The following UTRN variants were observed in gnomAD, a reference collection of about 807,000 sequenced individuals.
UTRN encodes the protein dystrophin-related protein 1.
Under a neutral mutation model 463.9 loss-of-function variants are expected in UTRN, and 283 were observed. That is an observed-to-expected ratio of 0.61 (90% CI 0.55 to 0.67). The LOEUF is 0.67. Among genes scored for constraint, UTRN ranks in the 30% least tolerant of loss-of-function variants. The pLI is 0.00. For missense variants in UTRN, 3,922 were observed against 4,084.3 expected (o/e 0.96, Z 1.08); for synonymous variants, 1,442 against 1,431.5 (o/e 1.01, Z -0.17).
At chr6:144,363,341 A>C (rs908279250) in intron 2 of UTRN, among the ~76,000 whole-genome samples, 5 of 152,210 alleles carry the variant, frequency 3.3e-5, no homozygotes, top group African/African-American at 1.2e-4. Context: ...ACACAACTTT[A>C]AAATCATTTT....
chr6:144,305,357 T>G (rs1347784690), intron 2 of UTRN, among the ~76,000 whole-genome samples: 1 of 152,172 alleles, frequency 6.6e-6, no homozygotes, highest in Admixed American at 6.5e-5. Flanking sequence ...ATACAAAAAT[T>G]TTTATGGAAA....
intron 50 of UTRN, among the ~76,000 whole-genome samples, chr6:144,563,565 A>G (rs1392295570): frequency 4.6e-5 from 7 of 152,150 alleles, no homozygotes; most frequent in Non-Finnish European, 7.4e-5. Flanking sequence ...TCCTCCTAGC[A>G]TGCCCACCAA....
At chr6:144,802,566 G>A (rs915332932) in intron 64 of UTRN, among the ~76,000 whole-genome samples, 10 of 152,228 alleles carry the variant, frequency 6.6e-5, no homozygotes, top group African/African-American at 2.2e-4. Context: ...TCATTCTTAC[G>A]CCAGAGATTT....
At chr6:144,725,499 A>G (rs1383072642) in intron 53 of UTRN, among the ~76,000 whole-genome samples, 1 of 152,162 alleles carries the variant, frequency 6.6e-6, no homozygotes, top group Non-Finnish European at 1.5e-5. Flanking sequence ...GAAAATATAA[A>G]CTCATTAAAA....
At chr6:144,713,835 G>T (rs1185722071) in intron 53 of UTRN, among the ~76,000 whole-genome samples, 2 of 150,474 alleles carry the variant, frequency 1.3e-5, no homozygotes, top group African/African-American at 4.9e-5. Flanking sequence ...CAGGAGAATC[G>T]CTTGAACCCG....
intron 71 of UTRN, among the ~76,000 whole-genome samples, chr6:144,838,064 G>C (rs979939888): frequency 1.3e-5 from 2 of 152,222 alleles, no homozygotes; most frequent in African/African-American, 4.8e-5. Context: ...CTCTTGTTTA[G>C]AATATGAAGT....
At chr6:144,796,413 G>T (rs1036474902) in intron 63 of UTRN, among the ~76,000 whole-genome samples, 1 of 152,114 alleles carries the variant, frequency 6.6e-6, no homozygotes, top group African/African-American at 2.4e-5. Context: ...CATTTCCTGT[G>T]CCTTGAACAT....
chr6:144,616,888 T>G (rs902209377), intron 51 of UTRN, among the ~76,000 whole-genome samples: 1 of 152,212 alleles, frequency 6.6e-6, no homozygotes, highest in Non-Finnish European at 1.5e-5. Flanking sequence ...CATAGCGTTC[T>G]ACCACCTGGT....
In UTRN at chr6:144,828,446, T is replaced by C. The variant is rs911675955; in HGVS notation, c.9600-344T>C. Among the ~76,000 whole-genome samples, 3 of 152,150 alleles carry C rather than the reference T, an allele frequency of 2.0e-5. No homozygotes were observed. In the South Asian group the frequency reaches 6.2e-4, roughly 31 times the overall value. On this transcript the variant is annotated intron_variant, in intron 68 of 74. Coordinates refer to ENST00000367545, the MANE Select transcript of UTRN (RefSeq NM_007124.3). Reference sequence around the variant, plus strand: ...AAGGGAAGTCATGGAGAGTTTTTGTTATGAGAGGAACATCATTTTATTTGT... The same window carrying C: ...AAGGGAAGTCATGGAGAGTTTTTGTCATGAGAGGAACATCATTTTATTTGT...
rs772663502 is a variant in UTRN at position 144,533,066 on chromosome 6, G to A, written c.6058-19G>A. On this transcript the variant is annotated intron_variant, in intron 42 of 74. Coordinates refer to ENST00000367545, the MANE Select transcript of UTRN (RefSeq NM_007124.3). ...TTTACTTATTAGTGAAACTAATCTTGAGTTGTGCTCTGTTACAGGAACTTG... is the reference window on the plus strand; with the variant it reads ...TTTACTTATTAGTGAAACTAATCTTAAGTTGTGCTCTGTTACAGGAACTTG... 2.9e-6 allele frequency: 4 copies of A among 1,384,432 alleles called. No homozygotes were observed. The highest frequency in any genetic ancestry group is 1.4e-5 in the African/African-American group (1 of 69,946). The allele number at this position is 1,384,432 out of a possible 1,614,324, so 85.8% of individuals were successfully genotyped here. A position where few individuals can be genotyped will look rare whatever the true frequency, so the allele number is the denominator to read the frequency against.
At chr6:144,425,185 G>GT (rs1785184625) in intron 6 of UTRN, among the ~76,000 whole-genome samples, 1 of 152,212 alleles carries the variant, frequency 6.6e-6, no homozygotes, top group African/African-American at 2.4e-5. Flanking sequence ...TTTGTAGAAT[G>GT]TCTCTCTCAG....
rs367970561 is a variant in UTRN, at chr6:144,827,401, C to T, written c.9533+15C>T. Reference sequence around the variant, plus strand: ...GAGCACTATGAGTGAGTATTCATAGCCCACGTGCAGGAGAGGTGTTCTGAT... The same window carrying T: ...GAGCACTATGAGTGAGTATTCATAGTCCACGTGCAGGAGAGGTGTTCTGAT... On this transcript the variant is annotated intron_variant, in intron 67 of 74. Transcript: ENST00000367545. The T allele has an allele frequency of 2.5e-6, 4 of 1,613,144 alleles. No individual in the cohort carries two copies. In the African/African-American group the frequency reaches 5.3e-5, roughly 22 times the overall value.
intron 52 of UTRN, among the ~76,000 whole-genome samples, chr6:144,689,461 G>A (rs1192281963): frequency 6.6e-6 from 1 of 152,200 alleles, no homozygotes; most frequent in African/African-American, 2.4e-5. Flanking sequence ...TCATTCTTTT[G>A]TCATTCTTTT....
chr6:144,784,630 C>T (rs1485786276), intron 61 of UTRN, among the ~76,000 whole-genome samples: 1 of 152,202 alleles, frequency 6.6e-6, no homozygotes. Context: ...GCATAATGCA[C>T]ACATATGCTC....
intron 32 of UTRN, 125 bp from the exon 33 acceptor site, chr6:144,493,176 A>G (rs1033985929): frequency 2.6e-6 from 2 of 783,190 alleles, no homozygotes; most frequent in Admixed American, 6.3e-5. Flanking sequence ...GAGAAAGATG[A>G]TGGCCTTTGA....
intron 53 of UTRN, chr6:144,707,151 A>C (rs1169488256): frequency 6.6e-6 from 1 of 152,184 alleles, no homozygotes; most frequent in East Asian, 1.9e-4. Flanking sequence ...ATTTCTTCCT[A>C]ATGAGAGAAA....
intron 53 of UTRN, among the ~76,000 whole-genome samples, chr6:144,723,788 G>T (rs1400387420): frequency 1.3e-5 from 2 of 151,996 alleles, no homozygotes; most frequent in Non-Finnish European, 2.9e-5. Flanking sequence ...GATTGCCCAA[G>T]CTCAGGAGTT....
At chr6:144,422,840 G>A (rs988223565) in intron 4 of UTRN, among the ~76,000 whole-genome samples, 2 of 152,202 alleles carry the variant, frequency 1.3e-5, no homozygotes, top group African/African-American at 4.8e-5. Flanking sequence ...ATGCACTCCT[G>A]AAGATGAATT....
At chr6:144,596,591 C>A (rs1175787516) in intron 51 of UTRN, among the ~76,000 whole-genome samples, 3 of 152,134 alleles carry the variant, frequency 2.0e-5, no homozygotes, top group Admixed American at 6.5e-5. Flanking sequence ...GGACTATTGA[C>A]ATCAAATGAA....
Sources: allele counts gnomAD v4.1 joint callset (sites outside exome capture counted in the v4.1 genomes callset), GRCh38; gene constraint gnomAD v4.1.1; transcripts MANE v1.5; gene names NCBI Gene and HGNC (gene_info 2026-07-23, HGNC 2026-07-21).